Variants in POC1B observed in about 807,000 individuals in gnomAD.
POC1B encodes POC1 centriolar protein B.
A neutral mutation model predicts 60.6 loss-of-function variants in POC1B; 44 were observed. That is an observed-to-expected ratio of 0.73 (90% CI 0.57 to 0.93). The LOEUF is 0.93. POC1B is among the 40% of genes least tolerant of loss of function. The pLI is 0.00. For synonymous variants in POC1B, 180 were observed against 198.9 expected (o/e 0.90, Z 0.80); for missense variants, 555 against 572.3 (o/e 0.97, Z 0.31).
intron 4 of POC1B, among the ~76,000 whole-genome samples, chr12:89,490,057 C>A (rs1868873913): frequency 6.6e-6 from 1 of 152,126 alleles, no homozygotes; most frequent in African/African-American, 2.4e-5. Flanking sequence ...ACCTGGGTAC[C>A]AGCACATTTG....
chr12:89,468,624 T>C (rs1882771912), intron 7 of POC1B, among the ~76,000 whole-genome samples: 1 of 152,050 alleles, frequency 6.6e-6, no homozygotes, highest in Non-Finnish European at 1.5e-5. Context: ...TTTTTCCCTA[T>C]TATTTTGTAC....
At chr12:89,433,708 G>T (rs913819275) in intron 10 of POC1B, among the ~76,000 whole-genome samples, 1 of 152,134 alleles carries the variant, frequency 6.6e-6, no homozygotes, top group Non-Finnish European at 1.5e-5. Flanking sequence ...AGAGTGGGAG[G>T]CTTTACACTA....
intron 2 of POC1B, chr12:89,501,542 C>A: frequency 8.5e-7 from 1 of 1,176,230 alleles, no homozygotes; most frequent in Non-Finnish European, 1.2e-6. Context: ...CAGATGCCAC[C>A]TGTGGGAAGC....
intron 10 of POC1B, among the ~76,000 whole-genome samples, chr12:89,445,026 A>T (rs11105290): frequency 0.19 from 29,385 of 152,172 alleles, 3,252 homozygotes; most frequent in South Asian, 0.36. Flanking sequence ...AGAGAATAAA[A>T]TACTTAGGAA....
intron 4 of POC1B, among the ~76,000 whole-genome samples, chr12:89,476,691 T>C (rs1415224523): frequency 2.0e-5 from 3 of 150,306 alleles, no homozygotes; most frequent in African/African-American, 7.4e-5. Flanking sequence ...AAAGTGAGAC[T>C]GTCTCAATAG....
At chr12:89,523,573 G>A (rs374683961) in intron 2 of POC1B, 3 of 1,586,208 alleles carry the variant, frequency 1.9e-6, no homozygotes, top group Non-Finnish European at 2.6e-6. Flanking sequence ...TGTGTCATAC[G>A]TTCCAAGGTA....
intron 10 of POC1B, among the ~76,000 whole-genome samples, chr12:89,433,389 G>A (rs1881120279): frequency 6.6e-6 from 1 of 152,188 alleles, no homozygotes; most frequent in South Asian, 2.1e-4. Flanking sequence ...AGTGCCCATG[G>A]AGCTTTGTGT....
At chr12:89,452,245 C>T (rs1300609368) in intron 10 of POC1B, among the ~76,000 whole-genome samples, 1 of 151,958 alleles carries the variant, frequency 6.6e-6, no homozygotes, top group East Asian at 1.9e-4. Context: ...TAGTCCGGGG[C>T]GTCACAGTTT....
chr12:89,525,451 A>T, intron 1 of POC1B: 1 of 1,355,378 alleles, frequency 7.4e-7, no homozygotes. Flanking sequence ...CCCAGAGTCC[A>T]GCGCATCGCA....
chr12:89,511,459 A>G (rs962088728), intron 2 of POC1B, among the ~76,000 whole-genome samples: 30 of 152,016 alleles, frequency 2.0e-4, no homozygotes, highest in Non-Finnish European at 4.3e-4. Flanking sequence ...TTACCTTCAT[A>G]TAGAAATCCT....
intron 10 of POC1B, among the ~76,000 whole-genome samples, chr12:89,451,544 C>A (rs1882040395): frequency 6.6e-6 from 1 of 152,096 alleles, no homozygotes. Context: ...GATTGTGTGG[C>A]CTGACAATCT....
At chr12:89,425,057 A>C in intron 11 of POC1B, 104 bp downstream of exon 11, 6 of 1,175,720 alleles carry the variant, frequency 5.1e-6, no homozygotes, top group Non-Finnish European at 7.3e-6. Context: ...TTGCTAGTAT[A>C]GAGAAATCTC....
chr12:89,455,115 C>T (rs1468096773), intron 10 of POC1B, among the ~76,000 whole-genome samples: 2 of 152,122 alleles, frequency 1.3e-5, no homozygotes, highest in Non-Finnish European at 2.9e-5. Flanking sequence ...GGGTGGATCA[C>T]TTGAGGTCAG....
At chr12:89,410,824 CA>C in the POC1B span, among the ~76,000 whole-genome samples, 1 of 152,232 alleles carries the variant, frequency 6.6e-6, no homozygotes, top group South Asian at 2.1e-4. Flanking sequence ...AAGAAGAAGC[CA>C]AATTATCTCT....
At chr12:89,471,763 A>C in intron 5 of POC1B, 34 bp from the exon 6 acceptor site, 1 of 1,163,150 alleles carries the variant, frequency 8.6e-7, no homozygotes, top group Non-Finnish European at 1.2e-6. Context: ...CTAATATTTC[A>C]ATTTCTTTTT....
chr12:89,425,117 A>AT, intron 11 of POC1B, 44 bp downstream of exon 11: 1 of 1,589,086 alleles, frequency 6.3e-7, no homozygotes, highest in Non-Finnish European at 8.6e-7. Context: ...TGTTTTGTGT[A>AT]TTTTACCCCC....
intron 4 of POC1B, among the ~76,000 whole-genome samples, chr12:89,488,496 T>C (rs1205600203): frequency 3.3e-5 from 5 of 152,152 alleles, no homozygotes; most frequent in Admixed American, 1.3e-4. Flanking sequence ...ATTGTTATTA[T>C]TATTATTCTG....
intron 2 of POC1B, chr12:89,523,448 C>T: frequency 1.2e-6 from 2 of 1,614,078 alleles, no homozygotes; most frequent in Non-Finnish European, 1.7e-6. Context: ...GCATATGGTG[C>T]CCGCTTGGGG....
At chr12:89,445,212 T>G (rs1422791775) in intron 10 of POC1B, among the ~76,000 whole-genome samples, 1 of 152,110 alleles carries the variant, frequency 6.6e-6, no homozygotes, top group African/African-American at 2.4e-5. Context: ...ATGCCATTCC[T>G]ATCAAGCTAC....
Sources: allele counts gnomAD v4.1 joint callset (sites outside exome capture counted in the v4.1 genomes callset), GRCh38; gene constraint gnomAD v4.1.1; transcripts MANE v1.5; gene names NCBI Gene and HGNC (gene_info 2026-07-23, HGNC 2026-07-21).